ANXA8: variants seen among roughly 807,000 people sequenced by gnomAD.
ANXA8 encodes annexin A8.
A neutral mutation model predicts 26.8 loss-of-function variants in ANXA8; 9 were observed. The ratio of observed to expected loss-of-function variants is 0.34; its 90% CI spans 0.20 to 0.59. ANXA8 has a LOEUF of 0.59. Ranked by LOEUF, ANXA8 falls within the 20% of genes least tolerant of loss-of-function variation. The pLI is 0.84. For missense variants in ANXA8, 83 were observed against 238.5 expected (o/e 0.35, Z 4.29); for synonymous variants, 39 against 94.8 (o/e 0.41, Z 3.42).
upstream of ANXA8, among the ~76,000 whole-genome samples, chr10:47,486,989 CA>C (rs1840061114): frequency 1.3e-5 from 2 of 150,520 alleles, no homozygotes; most frequent in African/African-American, 4.9e-5. Context: ...AAAACAAAAA[CA>C]AAAACAAAAA....
the ANXA8 span, among the ~76,000 whole-genome samples, chr10:47,495,985 CAA>C: frequency 1.1e-4 from 16 of 151,550 alleles, no homozygotes; most frequent in Non-Finnish European, 1.9e-4. Context: ...CACGCCTTCC[CAA>C]GAGAGGCGGG....
chr10:47,493,015 T>G, the ANXA8 span, among the ~76,000 whole-genome samples: 1 of 151,390 alleles, frequency 6.6e-6, no homozygotes, highest in South Asian at 2.1e-4. Context: ...GCATGGTGTT[T>G]GCGGGCTCCA....
the ANXA8 span, among the ~76,000 whole-genome samples, chr10:47,777,865 C>T: frequency 2.0e-5 from 3 of 151,676 alleles, no homozygotes; most frequent in Admixed American, 6.6e-5. Flanking sequence ...GGAAATCCTC[C>T]CACTTCAGCC....
chr10:47,777,078 A>AT, the ANXA8 span, among the ~76,000 whole-genome samples: 1 of 151,920 alleles, frequency 6.6e-6, no homozygotes, highest in Non-Finnish European at 1.5e-5. Flanking sequence ...GAAATACAGT[A>AT]TTTTTTTCTG....
the ANXA8 span, among the ~76,000 whole-genome samples, chr10:47,930,158 C>G: frequency 2.0e-5 from 3 of 151,940 alleles, 1 homozygote; most frequent in East Asian, 5.9e-4. Context: ...CCCTTGATAT[C>G]AACTTTCTCC....
the ANXA8 span, among the ~76,000 whole-genome samples, chr10:47,653,303 C>A: frequency 2.0e-5 from 3 of 149,576 alleles, no homozygotes; most frequent in Non-Finnish European, 4.4e-5. Context: ...CAGAGCAAGA[C>A]TCAGTCTCAA....
the ANXA8 span, among the ~76,000 whole-genome samples, chr10:47,743,271 TATATATACACAC>T: frequency 7.6e-3 from 877 of 115,474 alleles, 45 homozygotes; most frequent in Non-Finnish European, 0.011. Context: ...TATACATATA[TATATATACACAC>T]ATATATATAT....
chr10:47,751,350 CT>C, the ANXA8 span: 1 of 103,746 alleles, frequency 9.6e-6, no homozygotes, highest in African/African-American at 3.7e-5. Flanking sequence ...TTACTTCTTT[CT>C]TTATGATCTG....
the ANXA8 span, chr10:47,502,678 G>T: frequency 1.2e-6 from 2 of 1,608,284 alleles, no homozygotes; most frequent in African/African-American, 2.7e-5. Context: ...AGGATTCTGG[G>T]TCTCACAGTC....
chr10:47,966,561 G>A, the ANXA8 span, among the ~76,000 whole-genome samples: 44 of 148,222 alleles, frequency 3.0e-4, no homozygotes, highest in East Asian at 7.4e-3. Flanking sequence ...ATGGCTCCCA[G>A]TCCTCCCCTC....
chr10:47,645,502 A>G, the ANXA8 span, among the ~76,000 whole-genome samples: 3 of 149,622 alleles, frequency 2.0e-5, no homozygotes, highest in African/African-American at 2.5e-5. Context: ...AGTTAAAAAT[A>G]AAAAGAAAGA....
chr10:47,967,978 A>AG, the ANXA8 span, among the ~76,000 whole-genome samples: 2 of 149,662 alleles, frequency 1.3e-5, no homozygotes, highest in African/African-American at 2.4e-5. Context: ...GGTGCAAAAA[A>AG]AAAACCTATA....
the ANXA8 span, among the ~76,000 whole-genome samples, chr10:47,688,669 C>G: frequency 6.6e-6 from 1 of 151,436 alleles, no homozygotes; most frequent in Non-Finnish European, 1.5e-5. Context: ...TGATCCACCC[C>G]CTTGGCCTCC....
chr10:47,989,738 G>C, the ANXA8 span, among the ~76,000 whole-genome samples: 31 of 94,754 alleles, frequency 3.3e-4, 8 homozygotes, highest in African/African-American at 8.4e-4. Context: ...CCACGCCTTG[G>C]CCTTCCCCTG....
the ANXA8 span, among the ~76,000 whole-genome samples, chr10:47,561,377 A>G: frequency 1.3e-5 from 2 of 151,584 alleles, no homozygotes; most frequent in Non-Finnish European, 2.9e-5. Flanking sequence ...CAGTGTTGGG[A>G]TTACAAGCGT....
chr10:47,525,453 T>C, the ANXA8 span, among the ~76,000 whole-genome samples: 1 of 140,576 alleles, frequency 7.1e-6, no homozygotes, highest in Non-Finnish European at 1.5e-5. Flanking sequence ...GAGGACTTAC[T>C]GAATATCACA....
At chr10:47,491,675 C>T in the ANXA8 span, 4 of 1,533,446 alleles carry the variant, frequency 2.6e-6, no homozygotes, top group Non-Finnish European at 3.5e-6. Flanking sequence ...CTCCCAGCAT[C>T]GTGTGGCAGC....
At chr10:47,599,815 G>C in the ANXA8 span, 1 of 149,820 alleles carries the variant, frequency 6.7e-6, no homozygotes, top group Non-Finnish European at 1.5e-5. Context: ...CTCAGGGGAC[G>C]TTCAAACAGC....
the ANXA8 span, among the ~76,000 whole-genome samples, chr10:47,943,204 G>GTCT: frequency 7.1e-6 from 1 of 141,490 alleles, no homozygotes; most frequent in African/African-American, 2.8e-5. Context: ...GAGGCTCCCC[G>GTCT]TCTCCCTGCC....
Sources: gnomAD v4.1 joint callset for allele counts (sites outside exome capture counted in the v4.1 genomes callset) on GRCh38, gnomAD v4.1.1 for gene constraint, MANE v1.5 for transcripts, NCBI Gene and HGNC (gene_info 2026-07-23, HGNC 2026-07-21) for gene names.